Variants in ZNF438 observed in about 807,000 individuals in gnomAD.
ZNF438 encodes zinc finger protein 438.
ZNF438 carries 25 observed loss-of-function variants against 38.0 expected under a neutral mutation model. The ratio of observed to expected loss-of-function variants is 0.66; its 90% confidence interval spans 0.48 to 0.92. ZNF438 has a LOEUF of 0.92. Among genes scored for constraint, ZNF438 ranks in the 40% least tolerant of loss-of-function variants. The pLI, the probability that ZNF438 is intolerant of heterozygous loss-of-function variation, is 0.00. For synonymous variants in ZNF438, 372 were observed against 364.1 expected (o/e 1.02, Z -0.25); for missense variants, 1,007 against 999.6 (o/e 1.01, Z -0.10).
At chr10:30,901,739 G>T (rs1399055997) in intron 3 of ZNF438, among the ~76,000 whole-genome samples, 1 of 151,590 alleles carries the variant, frequency 6.6e-6, no homozygotes, top group African/African-American at 2.4e-5. Context: ...TCCGCAATTG[G>T]TGGGTTCTTG....
chr10:31,027,148 G>C (rs780850306), intron 1 of ZNF438, among the ~76,000 whole-genome samples: 1 of 151,850 alleles, frequency 6.6e-6, no homozygotes, highest in Non-Finnish European at 1.5e-5. Flanking sequence ...TGTAAATGAC[G>C]AGTTAATGGG....
intron 4 of ZNF438, among the ~76,000 whole-genome samples, chr10:30,859,724 T>C (rs1424253207): frequency 1.3e-5 from 2 of 152,218 alleles, no homozygotes; most frequent in East Asian, 1.9e-4. Flanking sequence ...TCCTGCTACA[T>C]GTTAGATGCT....
intron 1 of ZNF438, among the ~76,000 whole-genome samples, chr10:30,953,591 C>G (rs1341273164): frequency 2.0e-5 from 3 of 150,868 alleles, no homozygotes; most frequent in Non-Finnish European, 4.4e-5. Flanking sequence ...ACATATGTAA[C>G]TAACCTGCAC....
intron 2 of ZNF438, among the ~76,000 whole-genome samples, chr10:30,932,697 A>G (rs1009937232): frequency 5.3e-5 from 8 of 152,176 alleles, no homozygotes; most frequent in African/African-American, 7.2e-5. Context: ...CCCCAAAATG[A>G]TATGTTGAAG....
rs1589149785 is a variant in ZNF438, at chr10:30,910,961, A to C, written c.-114-1946T>G. Among the ~76,000 whole-genome samples, 6 of 152,138 alleles carry C rather than the reference A, an allele frequency of 3.9e-5. No homozygotes were observed. In the South Asian group the frequency reaches 1.2e-3, roughly 32 times the overall value. ...TCAAAATCTTAGAATATGGTAGTTC[A>C]AGCAAATACATTTTCATAACTTAAA... On this transcript the variant is annotated intron_variant, in intron 2 of 5. Coordinates refer to ENST00000413025, the Ensembl canonical transcript of ZNF438.
intron 1 of ZNF438, among the ~76,000 whole-genome samples, chr10:30,994,189 A>G (rs2053814078): frequency 6.6e-6 from 1 of 152,242 alleles, no homozygotes; most frequent in Non-Finnish European, 1.5e-5. Context: ...GATAGAATGA[A>G]TGAAGACTCT....
chr10:31,032,115 A>G (rs1359066651), upstream of ZNF438, among the ~76,000 whole-genome samples: 2 of 152,176 alleles, frequency 1.3e-5, no homozygotes, highest in African/African-American at 2.4e-5. Flanking sequence ...AGCCTCACTC[A>G]AAGCCTGAAG....
chr10:31,016,858 AGTG>A (rs2056233820), intron 1 of ZNF438, among the ~76,000 whole-genome samples: 1 of 152,196 alleles, frequency 6.6e-6, no homozygotes, highest in Admixed American at 6.5e-5. Flanking sequence ...CAAAGGTGGG[AGTG>A]CATCCTTCTT....
chr10:30,945,316 T>C (rs1314030285), intron 1 of ZNF438, among the ~76,000 whole-genome samples: 1 of 151,884 alleles, frequency 6.6e-6, no homozygotes, highest in East Asian at 1.9e-4. Flanking sequence ...TTTATTTTAT[T>C]GGCTAGTAAT....
At chr10:30,987,973 T>C (rs900203147) in intron 1 of ZNF438, among the ~76,000 whole-genome samples, 1 of 152,204 alleles carries the variant, frequency 6.6e-6, no homozygotes, top group Non-Finnish European at 1.5e-5. Flanking sequence ...AAGTTTATAT[T>C]ATGTACTAGA....
At chr10:30,998,659 T>C (rs1037269761) in intron 1 of ZNF438, among the ~76,000 whole-genome samples, 1 of 151,070 alleles carries the variant, frequency 6.6e-6, no homozygotes, top group Non-Finnish European at 1.5e-5. Flanking sequence ...GTTATTAAAG[T>C]ATTTTTAAAG....
chr10:30,991,456 TA>T (rs1564809081), intron 1 of ZNF438, among the ~76,000 whole-genome samples: 1 of 152,124 alleles, frequency 6.6e-6, no homozygotes, highest in Non-Finnish European at 1.5e-5. Context: ...TCCATATCCA[TA>T]GGGGCAAGCC....
intron 1 of ZNF438, among the ~76,000 whole-genome samples, chr10:30,975,215 T>C (rs1203942776): frequency 6.6e-6 from 1 of 152,180 alleles, no homozygotes; most frequent in East Asian, 1.9e-4. Flanking sequence ...AAGACCCTGC[T>C]TCCCTAAATG....
chr10:30,849,653 G>A (rs772873400), exon 5 of ZNF438: 1 of 1,614,158 alleles, frequency 6.2e-7, no homozygotes. Flanking sequence ...AACAGCAGAA[G>A]GTTTACTAGA....
At chr10:30,963,372 A>T (rs1233866052) in intron 1 of ZNF438, among the ~76,000 whole-genome samples, 1 of 137,864 alleles carries the variant, frequency 7.3e-6, no homozygotes, top group Admixed American at 7.7e-5. Context: ...AGCCTGGGCG[A>T]CAAGAGTGAA....
chr10:30,963,335 T>C (rs570493243), intron 1 of ZNF438, among the ~76,000 whole-genome samples: 25 of 132,724 alleles, frequency 1.9e-4, no homozygotes, highest in African/African-American at 7.0e-4. Flanking sequence ...GAAGTTGAAG[T>C]GAGCCGAGAT....
intron 2 of ZNF438, among the ~76,000 whole-genome samples, chr10:30,930,717 GAAAA>G (rs1441000817): frequency 4.2e-5 from 6 of 143,932 alleles, no homozygotes; most frequent in African/African-American, 1.5e-4. Flanking sequence ...TGAGGCAGGC[GAAAA>G]GCTTGAATCC....
intron 1 of ZNF438, among the ~76,000 whole-genome samples, chr10:31,030,932 A>G (rs778119704): frequency 6.6e-6 from 1 of 152,256 alleles, no homozygotes; most frequent in Non-Finnish European, 1.5e-5. Flanking sequence ...TGTGTTGTCT[A>G]TAATGTGCTA....
intron 2 of ZNF438, among the ~76,000 whole-genome samples, chr10:30,931,613 A>T (rs2045705558): frequency 6.6e-6 from 1 of 152,238 alleles, no homozygotes; most frequent in Admixed American, 6.5e-5. Context: ...CTTTAGTTGA[A>T]TATTCACGTC....
Sources: gnomAD v4.1 joint callset for allele counts (sites outside exome capture counted in the v4.1 genomes callset) on GRCh38, gnomAD v4.1.1 for gene constraint, MANE v1.5 for transcripts, NCBI Gene and HGNC (gene_info 2026-07-23, HGNC 2026-07-21) for gene names.